CCL13: variants seen among roughly 807,000 people sequenced by gnomAD.
CCL13 encodes C-C motif chemokine 13.
A neutral mutation model predicts 6.6 loss-of-function variants in CCL13; 5 were observed. The observed-to-expected ratio is 0.76, with a 90% CI of 0.40 to 1.60. The LOEUF is 1.60. Ranked by LOEUF, CCL13 falls within the 40% of genes most tolerant of loss-of-function variation. The pLI is 0.02. For missense variants in CCL13, 117 were observed against 114.2 expected (o/e 1.02, Z -0.11); for synonymous variants, 39 against 43.0 (o/e 0.91, Z 0.37).
chr17:34,357,233 C>T (rs1212985313), intron 1 of CCL13, among the ~76,000 whole-genome samples: 29 of 152,082 alleles, frequency 1.9e-4, no homozygotes, highest in Admixed American at 1.7e-3. Flanking sequence ...TGGCCTTGCC[C>T]GTGGCCTCCC....
At position 34,356,665 on chromosome 17, in the gene CCL13, A is replaced by G; in HGVS notation, c.76+63A>G. On this transcript the variant is annotated intron_variant, in intron 1 of 2. Transcript: ENST00000225844. Reference sequence around the variant, plus strand: ...CTGTTTCTCTATTCAAGGAAGACCTAAGCCCGAGTGCTCCTCCACTTTTTT... The same window carrying G: ...CTGTTTCTCTATTCAAGGAAGACCTGAGCCCGAGTGCTCCTCCACTTTTTT... 2.5e-6 allele frequency: 3 copies of G among 1,177,618 alleles called. No homozygotes were observed. In the South Asian group the frequency reaches 3.8e-5, roughly 15 times the overall value. The allele number at this position is 1,177,618 out of a possible 1,614,324, so 72.9% of individuals were successfully genotyped here.
Sources: gnomAD v4.1 joint callset for allele counts (sites outside exome capture counted in the v4.1 genomes callset) on GRCh38, gnomAD v4.1.1 for gene constraint, MANE v1.5 for transcripts, NCBI Gene and HGNC (gene_info 2026-07-23, HGNC 2026-07-21) for gene names.